Variants in COPE observed in about 807,000 individuals in gnomAD.
COPE encodes coatomer subunit epsilon.
In COPE, 19 loss-of-function variants were observed where a neutral mutation model predicts 42.1. The observed-to-expected ratio is 0.45, with a 90% CI of 0.31 to 0.66. The LOEUF is 0.66. Ranked by LOEUF, COPE falls within the 30% of genes least tolerant of loss-of-function variation. The pLI is 0.05. For synonymous variants in COPE, 195 were observed against 181.3 expected (o/e 1.08, Z -0.60); for missense variants, 402 against 416.1 (o/e 0.97, Z 0.30).
chr19:18,918,772 T>C (rs1213201604), intron 1 of COPE, among the ~76,000 whole-genome samples: 1 of 152,046 alleles, frequency 6.6e-6, no homozygotes, highest in Non-Finnish European at 1.5e-5. Context: ...ACAGTGCCCG[T>C]CCAAAAAAGT....
At position 18,905,625 on chromosome 19, in the gene COPE, C is replaced by A; in HGVS notation, c.448G>T (p.Ala150Ser). The A allele has an allele frequency of 6.3e-7, 1 of 1,593,030 alleles. No homozygotes were observed. ...LHQGDSLECT[A>S]MTVQILLKLD... ...TTCAGCAGGATCTGCACTGTCATGGCTGTGCTGCAGGACAGGGCGAGGGGG... is the reference window on the plus strand; with the variant it reads ...TTCAGCAGGATCTGCACTGTCATGGATGTGCTGCAGGACAGGGCGAGGGGG... Residue 150 changes from alanine (A) to serine (S), a missense_variant, in exon 5 of 10, where the codon GCC becomes TCC. Ala to Ser is a moderately conservative substitution (Grantham distance 99). Transcript: ENST00000262812.
intron 2 of COPE, chr19:18,911,312 T>TAGGTTACTGTCTATCCCCTGGC: frequency 1.9e-6 from 1 of 536,058 alleles, no homozygotes; most frequent in South Asian, 2.1e-5. Flanking sequence ...GGGACCCTGG[T>TAGGTTACTGTCTATCCCCTGGC]AGGTTACTGT....
chr19:18,904,797 C>A lies in COPE; in HGVS notation c.553G>T (p.Ala185Ser). The A allele has an allele frequency of 6.4e-7, 1 of 1,554,606 alleles. No homozygotes were observed. Among genetic ancestry groups the A allele is most frequent in the Admixed American group, 1.9e-5 (1 of 51,592 alleles). ...LDEDATLTQL[A>S]TAWVSLATGG... ...GTGGCCAGGCTGACCCAGGCAGTGG[C>A]GAGCTGGGTGAGGGTGGCATCCTCG... Residue 185 changes from alanine to serine, a missense_variant, in exon 6 of 10, where the codon GCC becomes TCC. Coordinates refer to ENST00000262812, the MANE Select transcript of COPE (RefSeq NM_007263.4).
chr19:18,899,814 G>C (rs558608350), intron 9 of COPE, 59 bp downstream of exon 9: 2 of 1,608,620 alleles, frequency 1.2e-6, no homozygotes, highest in Non-Finnish European at 1.7e-6. Context: ...GTGAGCCCAG[G>C]CTGAGCTCCA....
At chr19:18,903,612 C>T (rs183313020) in intron 6 of COPE, among the ~76,000 whole-genome samples, 189 bp from the exon 7 acceptor site, 22 of 152,282 alleles carry the variant, frequency 1.4e-4, no homozygotes, top group Admixed American at 5.9e-4. Flanking sequence ...CCTAAAGACT[C>T]GTGGCCGCCT....
At chr19:18,913,676 T>C (rs546209185) in intron 1 of COPE, among the ~76,000 whole-genome samples, 1 of 152,298 alleles carries the variant, frequency 6.6e-6, no homozygotes, top group African/African-American at 2.4e-5. Flanking sequence ...AGGGTGCCCA[T>C]GGCAGGTGGG....
chr19:18,910,087 AG>A (rs1221305436), intron 3 of COPE, among the ~76,000 whole-genome samples: 1 of 152,174 alleles, frequency 6.6e-6, no homozygotes, highest in East Asian at 1.9e-4. Flanking sequence ...CCGTGGGCCA[AG>A]GAAGAGCAGG....
rs1601217991 is a variant in COPE, at chr19:18,905,614, C to T, written c.459G>A (p.Val153=). Residue 153 remains valine (V), a synonymous_variant, in exon 5 of 10, where the codon GTG becomes GTA. Coordinates refer to ENST00000262812, the MANE Select transcript of COPE (RefSeq NM_007263.4). ...GDSLECTAMT[V]QILLKLDRLD... The stretch of plus-strand genomic sequence containing the variant: ...GGCGGTCCAGCTTCAGCAGGATCTG[C>T]ACTGTCATGGCTGTGCTGCAGGACA... 1.3e-6 allele frequency: 2 copies of T among 1,593,690 alleles called. No homozygotes were observed. Among genetic ancestry groups the T allele is most frequent in the Non-Finnish European group, 8.5e-7 (1 of 1,177,730 alleles).
chr19:18,909,514 CTTT>C (rs1202138946), intron 3 of COPE, among the ~76,000 whole-genome samples: 4 of 128,266 alleles, frequency 3.1e-5, no homozygotes, highest in African/African-American at 9.8e-5. Context: ...CTGTGGGCCT[CTTT>C]CCTTTTTTTT....
intron 1 of COPE, among the ~76,000 whole-genome samples, chr19:18,916,078 G>A (rs544678503): frequency 2.0e-5 from 3 of 151,054 alleles, no homozygotes; most frequent in South Asian, 4.2e-4. Flanking sequence ...CCACCTACTC[G>A]GGAGGCTGAG....
intron 7 of COPE, among the ~76,000 whole-genome samples, chr19:18,901,981 C>G (rs368802977): frequency 5.9e-5 from 9 of 152,032 alleles, no homozygotes; most frequent in African/African-American, 1.9e-4. Flanking sequence ...GAGATTGAGA[C>G]CATCCTGGCT....
chr19:18,918,416 C>T (rs2056878501), intron 1 of COPE, among the ~76,000 whole-genome samples: 1 of 152,098 alleles, frequency 6.6e-6, no homozygotes, highest in Admixed American at 6.6e-5. Context: ...CTAAAATAAA[C>T]CTGTCTTGAC....
At chr19:18,904,028 C>T (rs1356434495) in intron 6 of COPE, among the ~76,000 whole-genome samples, 1 of 152,192 alleles carries the variant, frequency 6.6e-6, no homozygotes. Context: ...TGCACTGGCG[C>T]GATCTTGGCT....
intron 2 of COPE, among the ~76,000 whole-genome samples, chr19:18,911,574 C>T (rs563228246): frequency 1.4e-3 from 206 of 150,828 alleles, no homozygotes; most frequent in African/African-American, 4.8e-3. Context: ...TTTTTCGAGA[C>T]GGAGTCTCGC....
chr19:18,906,291 G>C (rs1601219500), intron 4 of COPE: 1 of 237,650 alleles, frequency 4.2e-6, no homozygotes, highest in East Asian at 8.2e-5. Context: ...CCAGACTCAA[G>C]GGATACTCCT....
At position 18,905,570 on chromosome 19, in the gene COPE, G is replaced by A. The variant is rs747181042; in HGVS notation, c.497+6C>T. On this transcript the variant is annotated splice_donor_region_variant and intron_variant, in intron 5 of 9. Coordinates refer to ENST00000262812, the MANE Select transcript of COPE (RefSeq NM_007263.4). ...AGTGCGGGTGGAGAGGGGCAGGAGG[G>A]CTCACCGGGCGAGGTCCAGGCGGTC... 2 of 1,589,254 alleles carry A rather than the reference G, an allele frequency of 1.3e-6. No homozygotes were observed. The highest frequency in any genetic ancestry group is 1.7e-6 in the Non-Finnish European group (2 of 1,175,778).
chr19:18,906,903 A>G, intron 4 of COPE, 57 bp downstream of exon 4: 1 of 1,507,750 alleles, frequency 6.6e-7, no homozygotes, highest in Non-Finnish European at 8.9e-7. Context: ...CAGCCTGGAG[A>G]TGTGGCAGGG....
chr19:18,902,770 A>AAGG (rs2056717086), intron 7 of COPE, among the ~76,000 whole-genome samples: 5 of 39,314 alleles, frequency 1.3e-4, no homozygotes, highest in Non-Finnish European at 1.9e-4. Flanking sequence ...GAAGGAAGGG[A>AAGG]AAGAAGGAAG....
rs770974115 is a variant in COPE, at chr19:18,903,403, A to G, written c.600T>C (p.Asp200=). The G allele has an allele frequency of 1.2e-6, 2 of 1,611,580 alleles. No homozygotes were observed. Among genetic ancestry groups the G allele is most frequent in the South Asian group, 1.1e-5 (1 of 90,756 alleles). The change falls in exon 7 of 10, where the codon GAT becomes GAC. Residue 200 remains aspartate (D), a synonymous_variant. Coordinates refer to ENST00000262812, the MANE Select transcript of COPE (RefSeq NM_007263.4). ...CCATCTCCTGGAAGATGTAGTAGGC[A>G]TCCTGCAGCTTCTCACCACCCTGCA... ...SLATGGEKLQ[D]AYYIFQEMAD... is the part of the protein sequence containing the mutation.
Sources: allele counts gnomAD v4.1 joint callset (sites outside exome capture counted in the v4.1 genomes callset), GRCh38; gene constraint gnomAD v4.1.1; transcripts MANE v1.5; gene names NCBI Gene and HGNC (gene_info 2026-07-23, HGNC 2026-07-21).